The following LRP1B variants were observed in gnomAD, a reference collection of about 807,000 sequenced individuals.
The protein encoded by LRP1B is low-density lipoprotein receptor-related protein 1B.
In LRP1B, 217 loss-of-function variants were observed where a neutral mutation model predicts 556.6. The ratio of observed to expected loss-of-function variants is 0.39; its 90% CI spans 0.35 to 0.44. LRP1B has a LOEUF of 0.44. LRP1B is among the 20% of genes least tolerant of loss of function. The pLI is 1.00. For synonymous variants in LRP1B, 2,047 were observed against 1,865.8 expected, an observed-to-expected ratio of 1.10 and a Z score of -2.50; for missense variants, 5,053 against 5,620.8, an observed-to-expected ratio of 0.90 and a Z score of 3.23.
At chr2:141,070,318 C>T (rs997563194) in intron 7 of LRP1B, among the ~76,000 whole-genome samples, 1 of 149,996 alleles carries the variant, frequency 6.7e-6, no homozygotes, top group Admixed American at 6.7e-5. Context: ...AGAACAAAGA[C>T]ACAACATACC....
At chr2:140,927,517 A>C (rs1694921575) in intron 20 of LRP1B, among the ~76,000 whole-genome samples, 1 of 152,178 alleles carries the variant, frequency 6.6e-6, no homozygotes, top group Non-Finnish European at 1.5e-5. Flanking sequence ...GAATTCATTC[A>C]TATAATAATC....
At chr2:140,484,834 C>T (rs374309159) in intron 59 of LRP1B, among the ~76,000 whole-genome samples, 142 of 152,220 alleles carry the variant, frequency 9.3e-4, no homozygotes, top group African/African-American at 3.3e-3. Context: ...TGAAACGGAT[C>T]CACCACAAAC....
intron 1 of LRP1B, among the ~76,000 whole-genome samples, chr2:142,059,209 G>C (rs1704799662): frequency 6.6e-6 from 1 of 152,080 alleles, no homozygotes; most frequent in South Asian, 2.1e-4. Flanking sequence ...GAAATGTTCT[G>C]AAAGTAGATT....
intron 7 of LRP1B, among the ~76,000 whole-genome samples, chr2:141,183,244 GA>G (rs1331048817): frequency 6.6e-6 from 1 of 152,012 alleles, no homozygotes; most frequent in East Asian, 1.9e-4. Context: ...CCACCTAACA[GA>G]AGTAGAAAAC....
intron 7 of LRP1B, among the ~76,000 whole-genome samples, chr2:141,147,160 T>C (rs550972899): frequency 4.1e-4 from 62 of 152,298 alleles, no homozygotes; most frequent in South Asian, 1.9e-3. Context: ...GGTTGTTCCA[T>C]GTCTCACTGG....
intron 1 of LRP1B, among the ~76,000 whole-genome samples, chr2:141,825,262 G>A (rs1040692704): frequency 1.3e-5 from 2 of 152,084 alleles, no homozygotes; most frequent in African/African-American, 4.8e-5. Context: ...AGGGATTTAC[G>A]GAGATGGGGG....
At position 141,260,536 on chromosome 2, in the gene LRP1B, G is replaced by A. The variant is rs1270503506; in HGVS notation, c.344-5895C>T. On this transcript the variant is annotated intron_variant, in intron 3 of 90. Coordinates refer to ENST00000389484, the MANE Select transcript of LRP1B (RefSeq NM_018557.3). ...ACATTACGAGTTATTACCAATAGAGGTCTTTTTTCCTCATTAGTTTTGTTT... is the reference window on the plus strand; with the variant it reads ...ACATTACGAGTTATTACCAATAGAGATCTTTTTTCCTCATTAGTTTTGTTT... Among the ~76,000 whole-genome samples the A allele has an allele frequency of 3.9e-5, 6 of 152,216 alleles. No homozygotes were observed. In the East Asian group the frequency reaches 1.2e-3, roughly 29 times the overall value.
intron 1 of LRP1B, among the ~76,000 whole-genome samples, chr2:142,097,328 C>T (rs528130635): frequency 1.2e-4 from 18 of 151,662 alleles, no homozygotes; most frequent in Non-Finnish European, 2.2e-4. Flanking sequence ...GTCAAATGCT[C>T]TTGACCTATT....
At chr2:141,118,133 C>T (rs1016358251) in intron 7 of LRP1B, among the ~76,000 whole-genome samples, 2 of 151,226 alleles carry the variant, frequency 1.3e-5, no homozygotes, top group African/African-American at 4.8e-5. Flanking sequence ...TATTTTAATG[C>T]ATTCAGAGAT....
At chr2:140,250,372 T>C (rs536093251) in intron 86 of LRP1B, among the ~76,000 whole-genome samples, 1 of 151,784 alleles carries the variant, frequency 6.6e-6, no homozygotes, top group African/African-American at 2.4e-5. Flanking sequence ...GATAGACAGG[T>C]AGGTAGGTAG....
At chr2:140,395,448 T>C (rs1348506149) in intron 66 of LRP1B, among the ~76,000 whole-genome samples, 1 of 152,198 alleles carries the variant, frequency 6.6e-6, no homozygotes. Flanking sequence ...TCATGTTACT[T>C]CTCATCCATC....
At chr2:141,795,857 AATAT>A (rs1198211801) in intron 2 of LRP1B, among the ~76,000 whole-genome samples, 533 of 51,422 alleles carry the variant, frequency 0.01, 4 homozygotes, top group South Asian at 0.015. Flanking sequence ...AACCAGGAGC[AATAT>A]ATATATATAT....
chr2:140,480,386 T>A lies in LRP1B; in HGVS notation c.9425+4957A>T, dbSNP rs112804828. 6.9e-3 allele frequency among the ~76,000 whole-genome samples: 1,050 copies of A among 152,328 alleles called. 14 individuals carry two copies. Among genetic ancestry groups the A allele is most frequent in the African/African-American group, 0.024 (991 of 41,576 alleles). On this transcript the variant is annotated intron_variant, in intron 59 of 90. Coordinates refer to ENST00000389484, the MANE Select transcript of LRP1B (RefSeq NM_018557.3). ...GGATATGAATACTGAGTAAGTGTCT[T>A]TCACATATTTTCATTAACATATATT... is the stretch of plus-strand genomic sequence containing the variant.
chr2:141,513,514 G>A (rs755618924), intron 2 of LRP1B, among the ~76,000 whole-genome samples: 1 of 151,846 alleles, frequency 6.6e-6, no homozygotes, highest in Non-Finnish European at 1.5e-5. Context: ...ATCTAGCCAG[G>A]ACAATATTAT....
chr2:140,704,736 A>G (rs112564533), intron 37 of LRP1B, among the ~76,000 whole-genome samples: 7,167 of 152,244 alleles, frequency 0.047, 255 homozygotes, highest in Middle Eastern at 0.095. Context: ...CAGGGCAGAC[A>G]TGTGCTTACC....
chr2:141,808,215 C>T (rs1390467962), intron 2 of LRP1B, among the ~76,000 whole-genome samples: 1 of 152,080 alleles, frequency 6.6e-6, no homozygotes, highest in Non-Finnish European at 1.5e-5. Flanking sequence ...GGTGTTTCCC[C>T]TCCACCCTGG....
At chr2:141,532,381 G>A (rs1227403601) in intron 2 of LRP1B, among the ~76,000 whole-genome samples, 1 of 151,736 alleles carries the variant, frequency 6.6e-6, no homozygotes, top group Non-Finnish European at 1.5e-5. Context: ...ATTTATTACT[G>A]AACAAACATG....
intron 3 of LRP1B, among the ~76,000 whole-genome samples, chr2:141,294,187 T>G (rs949933085): frequency 6.6e-6 from 1 of 152,148 alleles, no homozygotes; most frequent in African/African-American, 2.4e-5. Flanking sequence ...GTTTCTAATG[T>G]GATTGTATTG....
chr2:140,285,018 G>C (rs893677017), intron 84 of LRP1B, among the ~76,000 whole-genome samples: 10 of 145,640 alleles, frequency 6.9e-5, no homozygotes, highest in African/African-American at 1.7e-4. Context: ...CTCTCTGTGT[G>C]TGTGTGTGTA....
Sources: allele counts gnomAD v4.1 joint callset (sites outside exome capture counted in the v4.1 genomes callset), GRCh38; gene constraint gnomAD v4.1.1; transcripts MANE v1.5; gene names NCBI Gene and HGNC (gene_info 2026-07-23, HGNC 2026-07-21).